DICER1: variants seen among roughly 807,000 people sequenced by gnomAD.
The protein encoded by DICER1 is dicer 1, ribonuclease III.
A neutral mutation model predicts 194.1 loss-of-function variants in DICER1; 43 were observed. The observed-to-expected ratio is 0.22, with a 90% CI of 0.17 to 0.29. The LOEUF (loss-of-function observed/expected upper bound fraction) is 0.29. Among genes scored for constraint, DICER1 ranks in the 10% least tolerant of loss-of-function variants. The probability of loss-of-function intolerance (pLI) is 1.00; values close to 1 mark genes in which losing one functional copy is unlikely to be tolerated. For synonymous variants in DICER1, 832 were observed against 820.5 expected (o/e 1.01, Z -0.24); for missense variants, 1,608 against 2,317.0 (o/e 0.69, Z 6.28).
At chr14:95,108,627 C>G in intron 14 of DICER1, 124 bp from the exon 15 acceptor site, 7 of 902,890 alleles carry the variant, frequency 7.8e-6, no homozygotes, top group African/African-American at 3.3e-5. Flanking sequence ...TAAGAAAATA[C>G]CCGAGGCATG....
chr14:95,136,176 T>C (rs971220011), intron 1 of DICER1, among the ~76,000 whole-genome samples: 25 of 152,092 alleles, frequency 1.6e-4, no homozygotes, highest in African/African-American at 6.0e-4. Flanking sequence ...TTTTGTCCTA[T>C]TATTCTTGCA....
chr14:95,138,147 T>C (rs1273366826), intron 1 of DICER1, among the ~76,000 whole-genome samples: 28 of 151,232 alleles, frequency 1.9e-4, no homozygotes, highest in Admixed American at 1.8e-3. Flanking sequence ...AAAGGAGGAG[T>C]TGCAAATTCA....
intron 10 of DICER1, 78 bp downstream of exon 10, chr14:95,116,375 T>C (rs1009261309): frequency 2.5e-5 from 38 of 1,531,414 alleles, no homozygotes; most frequent in Non-Finnish European, 3.1e-5. Flanking sequence ...TCTGTTCCTA[T>C]GGATACAAAG....
At chr14:95,119,830 A>G (rs541000278) in intron 8 of DICER1, among the ~76,000 whole-genome samples, 17 of 152,246 alleles carry the variant, frequency 1.1e-4, no homozygotes, top group Non-Finnish European at 2.5e-4. Flanking sequence ...TATTGTATTC[A>G]GCAGATATAA....
Position 95,120,119 on chromosome 14 carries a change from T to C in DICER1, c.1377-2365A>G, listed in dbSNP as rs1892814513. 3.9e-5 allele frequency among the ~76,000 whole-genome samples: 6 copies of C among 152,202 alleles called. No individual in the cohort carries two copies. In the South Asian group the frequency reaches 1.2e-3, roughly 31 times the overall value. ...TAAGAGGAAAAGAAATTCAAAGATA[T>C]AAACACATTATTTGAAATTCCTGCC... On this transcript the variant is annotated intron_variant, in intron 8 of 26. Coordinates refer to ENST00000343455, the MANE Select transcript of DICER1 (RefSeq NM_177438.3).
intron 1 of DICER1, among the ~76,000 whole-genome samples, chr14:95,142,743 C>T (rs1335561466): frequency 2.0e-5 from 3 of 152,174 alleles, no homozygotes; most frequent in Non-Finnish European, 4.4e-5. Context: ...GTTTCATAGG[C>T]CCCTTTAAGA....
intron 1 of DICER1, among the ~76,000 whole-genome samples, chr14:95,138,749 T>C (rs1383497654): frequency 7.4e-6 from 1 of 134,606 alleles, no homozygotes; most frequent in East Asian, 2.2e-4. Context: ...TTCTCACTCA[T>C]AGGTGGGAAT....
At chr14:95,134,576 C>T (rs1210624763) in intron 1 of DICER1, 1 of 152,246 alleles carries the variant, frequency 6.6e-6, no homozygotes, top group Non-Finnish European at 1.5e-5. Context: ...AAGTACAACA[C>T]ATGACTTAAG....
At chr14:95,142,691 T>C (rs950001101) in intron 1 of DICER1, among the ~76,000 whole-genome samples, 1 of 152,242 alleles carries the variant, frequency 6.6e-6, no homozygotes, top group African/African-American at 2.4e-5. Context: ...TTTCTCATTT[T>C]AATTGATCAC....
intron 14 of DICER1, among the ~76,000 whole-genome samples, chr14:95,109,673 T>C (rs968120894): frequency 2.0e-5 from 3 of 152,240 alleles, no homozygotes; most frequent in Admixed American, 2.0e-4. Flanking sequence ...TGATTCTGAA[T>C]CTTGAAAATG....
chr14:95,141,675 A>G (rs1376252451), intron 1 of DICER1: 1 of 152,252 alleles, frequency 6.6e-6, no homozygotes, highest in Non-Finnish European at 1.5e-5. Flanking sequence ...TGGCATATAC[A>G]TATTTACCTC....
chr14:95,117,805 A>C (rs751759068), intron 8 of DICER1, 51 bp from the exon 9 acceptor site: 2 of 1,591,536 alleles, frequency 1.3e-6, no homozygotes, highest in South Asian at 2.2e-5. Context: ...AAGAAAATAA[A>C]CTTTTGTTTT....
At chr14:95,093,771 G>A (rs552877532) in intron 24 of DICER1, 117 bp downstream of exon 24, 129 of 1,111,224 alleles carry the variant, frequency 1.2e-4, no homozygotes, top group Middle Eastern at 1.0e-3. Flanking sequence ...CAGCACACTG[G>A]GTCCCACACC....
intron 1 of DICER1, among the ~76,000 whole-genome samples, chr14:95,151,468 A>G (rs555670092): frequency 2.0e-5 from 3 of 152,350 alleles, no homozygotes; most frequent in African/African-American, 7.2e-5. Flanking sequence ...AATGCTAGTT[A>G]TGTACCATGA....
At chr14:95,143,940 T>G (rs533727631) in intron 1 of DICER1, among the ~76,000 whole-genome samples, 1 of 152,178 alleles carries the variant, frequency 6.6e-6, no homozygotes, top group East Asian at 1.9e-4. Flanking sequence ...GCCAACTACA[T>G]GGAGGAATTT....
At position 95,088,308 on chromosome 14, in the gene DICER1, A is replaced by G. The variant is rs1222526926; in HGVS notation, c.*2190T>C. ...AGGCATTTTTCTCCCACTGGGAATC[A>G]TAACTGTGAAAACAATCTGATTTTG... On this transcript the variant is annotated 3_prime_UTR_variant, in exon 27 of 27. Coordinates refer to ENST00000343455, the MANE Select transcript of DICER1 (RefSeq NM_177438.3). 3 of 232,052 alleles carry G rather than the reference A, an allele frequency of 1.3e-5. No individual in the cohort carries two copies. The highest frequency in any genetic ancestry group is 2.2e-5 in the African/African-American group (1 of 45,258). The allele number at this position is 232,052 out of a possible 1,614,324, so 14.4% of individuals were successfully genotyped here.
At chr14:95,115,468 C>T (rs1487845000) in intron 11 of DICER1, among the ~76,000 whole-genome samples, 199 bp downstream of exon 11, 2 of 152,026 alleles carry the variant, frequency 1.3e-5, no homozygotes, top group Non-Finnish European at 2.9e-5. Context: ...GAATACTGAA[C>T]TTTTATTGCT....
At chr14:95,113,719 G>A (rs1892187616) in intron 11 of DICER1, among the ~76,000 whole-genome samples, 1 of 152,216 alleles carries the variant, frequency 6.6e-6, no homozygotes, top group Admixed American at 6.5e-5. Flanking sequence ...AGTAGAACTA[G>A]CAACTCACTG....
chr14:95,105,076 A>C lies in DICER1; in HGVS notation c.3264T>G (p.Asp1088Glu), dbSNP rs376110719. Residue 1088 changes from aspartate (D) to glutamate (E), a missense_variant, in exon 20 of 27, where the codon GAT becomes GAG. This residue lies in a region of DICER1 where 79 missense variants were observed against 176.1 expected (regional missense o/e 0.45). Coordinates refer to ENST00000343455, the MANE Select transcript of DICER1 (RefSeq NM_177438.3). This position sits in a 1 kb window ranked among gnomAD's most constrained non-coding sequence, Gnocchi z 4.9. ...GGCTGACTGCACAGGCATACCTAAA[A>C]TCCGCAGGAAGTGATCTGACTCCCA... is the stretch of plus-strand genomic sequence containing the variant. ...AGVGVRSLPA[D>E]FRYPNLDFGW... 1.2e-6 allele frequency: 2 copies of C among 1,613,916 alleles called. No individual in the cohort carries two copies. The highest frequency in any genetic ancestry group is 1.3e-5 in the African/African-American group (1 of 74,944).
Sources: gnomAD v4.1 joint callset for allele counts (sites outside exome capture counted in the v4.1 genomes callset) on GRCh38, gnomAD v4.1.1 for gene constraint, gnomAD v4.1.1 regional missense constraint, Gnocchi (gnomAD v3.1) non-coding constraint, MANE v1.5 for transcripts, NCBI Gene and HGNC (gene_info 2026-07-23, HGNC 2026-07-21) for gene names.